The following EFCAB8 variants were observed in gnomAD, a reference collection of about 807,000 sequenced individuals.
EFCAB8 encodes the protein EF-hand calcium-binding domain-containing protein 8.
A neutral mutation model predicts 116.3 loss-of-function variants in EFCAB8; 100 were observed. The ratio of observed to expected loss-of-function variants is 0.86; its 90% CI spans 0.73 to 1.02. The LOEUF is 1.02. EFCAB8 is among the 50% of genes least tolerant of loss of function. The pLI is 0.00. For synonymous variants in EFCAB8, 558 were observed against 567.9 expected (o/e 0.98, Z 0.25); for missense variants, 1,320 against 1,416.9 (o/e 0.93, Z 1.10).
At chr20:32,936,929 T>C (rs1356657644) in intron 22 of EFCAB8, among the ~76,000 whole-genome samples, 1 of 152,138 alleles carries the variant, frequency 6.6e-6, no homozygotes, top group Non-Finnish European at 1.5e-5. Flanking sequence ...TTAATTCTTC[T>C]AATTTATCAA....
chr20:32,908,549 C>A (rs1986784224), intron 14 of EFCAB8, 137 bp downstream of exon 14: 2 of 953,274 alleles, frequency 2.1e-6, no homozygotes, highest in Non-Finnish European at 2.7e-6. Flanking sequence ...TGTGGCCTGG[C>A]CTGTGAGGGG....
chr20:32,885,156 A>G (rs1024006869), intron 5 of EFCAB8, among the ~76,000 whole-genome samples: 4 of 152,090 alleles, frequency 2.6e-5, no homozygotes, highest in Non-Finnish European at 5.9e-5. Flanking sequence ...AGTTTTTCCT[A>G]TGATAGAAGC....
Position 32,930,965 on chromosome 20 carries a change from C to T in EFCAB8, c.2632-213C>T, listed in dbSNP as rs546305743. Among the ~76,000 whole-genome samples the T allele has an allele frequency of 9.8e-5, 15 of 152,296 alleles. No homozygotes were observed. The East Asian group carries it at 1.7e-3, about 18-fold the overall frequency. ...AGGCAGGGGTGTGCTGTCCTTGAGC[C>T]GGTCACACCCTTCCTGCCTGCTAAT... is the stretch of plus-strand genomic sequence containing the variant. On this transcript the variant is annotated intron_variant, in intron 21 of 26. Coordinates refer to ENST00000400522, the MANE Select transcript of EFCAB8 (RefSeq NM_001143967.2).
rs1224336802 is a variant in EFCAB8, at chr20:32,878,710, T to C, written c.334T>C (p.Tyr112His). Residue 112 changes from tyrosine (Y) to histidine (H), a missense_variant, in exon 5 of 27, where the codon TAT becomes CAT. Physicochemically the swap from Tyr to His is moderately conservative, Grantham distance 83. Coordinates refer to ENST00000400522, the MANE Select transcript of EFCAB8 (RefSeq NM_001143967.2). ...GTGCTTTCTTTCGAGGCAGCAAAAG[T>C]ATGTGGATTACATGATGCGTGAGTT... Reference protein sequence around the residue: ...DCEGFVTWQKYVDYMMREFQG... With the variant: ...DCEGFVTWQKHVDYMMREFQG... 6.4e-7 allele frequency: 1 copy of C among 1,551,586 alleles called. No homozygotes were observed. Among genetic ancestry groups the C allele is most frequent in the African/African-American group, 1.4e-5 (1 of 73,016 alleles).
intron 24 of EFCAB8, among the ~76,000 whole-genome samples, chr20:32,959,408 A>G (rs1173153233): frequency 6.6e-6 from 1 of 152,332 alleles, no homozygotes; most frequent in Middle Eastern, 3.4e-3. Context: ...CCATCAAGGC[A>G]TACATCTTGA....
At chr20:32,911,796 A>AC in intron 16 of EFCAB8, 89 bp downstream of exon 16, 4 of 1,307,736 alleles carry the variant, frequency 3.1e-6, no homozygotes, top group Non-Finnish European at 4.3e-6. Context: ...TATTTTTTGT[A>AC]CCTCTCTGAA....
chr20:32,921,435 C>T (rs776306759), intron 20 of EFCAB8, among the ~76,000 whole-genome samples: 3 of 151,326 alleles, frequency 2.0e-5, no homozygotes, highest in Non-Finnish European at 2.9e-5. Flanking sequence ...ATGCTGGTCT[C>T]GAACTCCTGG....
At chr20:32,910,383 C>T (rs1393465805) in intron 15 of EFCAB8, among the ~76,000 whole-genome samples, 1 of 152,244 alleles carries the variant, frequency 6.6e-6, no homozygotes, top group African/African-American at 2.4e-5. Context: ...CTTGGTCCTG[C>T]GTGGAGTCTC....
intron 15 of EFCAB8, among the ~76,000 whole-genome samples, 177 bp downstream of exon 15, chr20:32,910,108 T>G (rs1173150436): frequency 6.6e-6 from 1 of 152,138 alleles, no homozygotes; most frequent in Non-Finnish European, 1.5e-5. Context: ...GCTCTACAGA[T>G]GGGCTGGCGT....
Position 32,957,727 on chromosome 20 carries a change from C to T in EFCAB8, c.2960-694C>T, listed in dbSNP as rs556467958. ...TCAGAAGCTCTGCTGGTTTCTCTCT[C>T]TCTAAGCCAAGTCTGATTCTCATTC... is the stretch of plus-strand genomic sequence containing the variant. On this transcript the variant is annotated intron_variant, in intron 23 of 26. Transcript: ENST00000400522. Among the ~76,000 whole-genome samples, 3 of 152,224 alleles carry T rather than the reference C, an allele frequency of 2.0e-5. No homozygotes were observed. In the South Asian group the frequency reaches 6.2e-4, roughly 32 times the overall value.
chr20:32,948,145 G>A (rs187389870), intron 23 of EFCAB8, among the ~76,000 whole-genome samples: 29 of 152,218 alleles, frequency 1.9e-4, no homozygotes, highest in Non-Finnish European at 4.4e-5. Flanking sequence ...AGGAATGAGT[G>A]AGATGACATC....
chr20:32,956,483 A>G (rs1281145213), intron 23 of EFCAB8, among the ~76,000 whole-genome samples: 2 of 152,148 alleles, frequency 1.3e-5, no homozygotes, highest in Non-Finnish European at 2.9e-5. Flanking sequence ...TTTCTGATCA[A>G]ATTTTCAGAT....
At chr20:32,884,978 C>T (rs1175559124) in intron 5 of EFCAB8, among the ~76,000 whole-genome samples, 1 of 152,202 alleles carries the variant, frequency 6.6e-6, no homozygotes, top group East Asian at 1.9e-4. Context: ...GAGCTGTTGG[C>T]TGTAGGTTTG....
chr20:32,960,242 C>A, intron 26 of EFCAB8, 81 bp downstream of exon 26: 1 of 1,259,698 alleles, frequency 7.9e-7, no homozygotes, highest in Non-Finnish European at 1.1e-6. Context: ...CACCCTTGTG[C>A]CCACACAGCC....
chr20:32,918,304 C>T, intron 18 of EFCAB8, 58 bp from the exon 19 acceptor site: 1 of 1,520,296 alleles, frequency 6.6e-7, no homozygotes, highest in South Asian at 1.2e-5. Flanking sequence ...CTGGGGCAGT[C>T]CTGAATTTAC....
intron 22 of EFCAB8, among the ~76,000 whole-genome samples, chr20:32,934,475 C>T (rs1346411727): frequency 6.6e-6 from 1 of 151,830 alleles, no homozygotes; most frequent in Non-Finnish European, 1.5e-5. Context: ...GGATATATAC[C>T]CAGAAGTGGA....
At chr20:32,934,542 T>C (rs1988029196) in intron 22 of EFCAB8, among the ~76,000 whole-genome samples, 1 of 152,214 alleles carries the variant, frequency 6.6e-6, no homozygotes, top group African/African-American at 2.4e-5. Flanking sequence ...CCCATACTAT[T>C]TCTCGTAGTG....
chr20:32,939,495 C>T lies in EFCAB8; in HGVS notation c.2791-4141C>T, dbSNP rs527946960. The stretch of plus-strand genomic sequence containing the variant: ...AGACGGGGTTTCACTGTATTGGTCA[C>T]GCTGGTCTCAAACTCCTGACTTTGT... On this transcript the variant is annotated intron_variant, in intron 22 of 26. Coordinates refer to ENST00000400522, the MANE Select transcript of EFCAB8 (RefSeq NM_001143967.2). 1.2e-4 allele frequency among the ~76,000 whole-genome samples: 18 copies of T among 146,242 alleles called. 3 individuals carry two copies. Among genetic ancestry groups the T allele is most frequent in the Non-Finnish European group, 2.0e-4 (13 of 66,352 alleles).
chr20:32,918,238 G>C, intron 18 of EFCAB8, 124 bp from the exon 19 acceptor site: 2 of 945,344 alleles, frequency 2.1e-6, no homozygotes, highest in South Asian at 1.6e-5. Flanking sequence ...AAGGGGGCTA[G>C]GTTTCTGGGA....
Sources: allele counts gnomAD v4.1 joint callset (sites outside exome capture counted in the v4.1 genomes callset), GRCh38; gene constraint gnomAD v4.1.1; transcripts MANE v1.5; gene names NCBI Gene and HGNC (gene_info 2026-07-23, HGNC 2026-07-21).